Variants in VAV3 observed in about 807,000 individuals in gnomAD.
The protein encoded by VAV3 is guanine nucleotide exchange factor VAV3.
Under a neutral mutation model 131.2 loss-of-function variants are expected in VAV3, and 94 were observed. The ratio of observed to expected loss-of-function variants is 0.72; its 90% CI spans 0.61 to 0.85. The LOEUF (loss-of-function observed/expected upper bound fraction) is 0.85, where lower values mean the gene tolerates loss of function less well. Among genes scored for constraint, VAV3 ranks in the 40% least tolerant of loss-of-function variants. The pLI is 0.00. For synonymous variants in VAV3, 349 were observed against 342.0 expected (o/e 1.02, Z -0.22); for missense variants, 939 against 1,002.7 (o/e 0.94, Z 0.86).
At chr1:107,755,606 T>G (rs1023045640) in intron 11 of VAV3, 93 bp from the exon 12 acceptor site, 1 of 864,486 alleles carries the variant, frequency 1.2e-6, no homozygotes, top group Admixed American at 2.4e-5. Context: ...ATTCCATTAG[T>G]GGTAAAAGTA....
intron 18 of VAV3, chr1:107,685,835 A>T (rs188431106): frequency 1.3e-5 from 2 of 151,550 alleles, no homozygotes; most frequent in African/African-American, 4.9e-5. Flanking sequence ...CCCCTCCCCA[A>T]TCTATATTCT....
chr1:107,888,728 G>C (rs773543159), intron 1 of VAV3, among the ~76,000 whole-genome samples: 3 of 152,014 alleles, frequency 2.0e-5, no homozygotes, highest in Non-Finnish European at 4.4e-5. Context: ...CAAAGTGCTG[G>C]GATTACAGAT....
intron 20 of VAV3, among the ~76,000 whole-genome samples, chr1:107,638,167 C>A (rs764821395): frequency 1.3e-5 from 2 of 152,174 alleles, no homozygotes; most frequent in Non-Finnish European, 2.9e-5. Context: ...GATATACTCT[C>A]TCATGACTTC....
chr1:107,729,035 T>C (rs1662053075), intron 15 of VAV3, among the ~76,000 whole-genome samples: 2 of 152,176 alleles, frequency 1.3e-5, no homozygotes, highest in African/African-American at 4.8e-5. Context: ...TCATGATAAT[T>C]GGAAAACTCT....
intron 4 of VAV3, among the ~76,000 whole-genome samples, chr1:107,776,054 A>C (rs1053891506): frequency 5.9e-5 from 9 of 152,222 alleles, no homozygotes; most frequent in Admixed American, 5.9e-4. Context: ...TCACTTTTAA[A>C]CTGTGAAGAT....
chr1:107,952,260 G>A (rs1014448871), intron 1 of VAV3, among the ~76,000 whole-genome samples: 1 of 151,756 alleles, frequency 6.6e-6, no homozygotes, highest in African/African-American at 2.4e-5. Flanking sequence ...GCTAAATGAT[G>A]AGATCACATG....
chr1:107,823,722 G>C (rs761883716), intron 2 of VAV3, among the ~76,000 whole-genome samples: 1 of 152,132 alleles, frequency 6.6e-6, no homozygotes, highest in Non-Finnish European at 1.5e-5. Flanking sequence ...GGCTTTCTAA[G>C]AAAGTAATGA....
rs77149713 is a variant in VAV3 at position 107,902,633 on chromosome 1, T to G, written c.205-27616A>C. On this transcript the variant is annotated intron_variant, in intron 1 of 26. Coordinates refer to ENST00000370056, the MANE Select transcript of VAV3 (RefSeq NM_006113.5). The stretch of plus-strand genomic sequence containing the variant: ...TTCTTTTACGTATTTTAGAATAACC[T>G]GAGGTCCTACATGTTTAAACCTTTA... Among the ~76,000 whole-genome samples, 211 of 152,316 alleles carry G rather than the reference T, an allele frequency of 1.4e-3. 2 individuals carry two copies. The East Asian group carries it at 0.038, about 27-fold the overall frequency.
At chr1:107,695,095 C>T (rs1314702626) in intron 17 of VAV3, among the ~76,000 whole-genome samples, 2 of 151,946 alleles carry the variant, frequency 1.3e-5, no homozygotes, top group Non-Finnish European at 2.9e-5. Context: ...TGTAGATACA[C>T]AGACATAAAA....
Position 107,779,948 on chromosome 1 carries a change from C to CCA in VAV3, c.322-458_322-457dup, listed in dbSNP as rs1178938241. On this transcript the variant is annotated intron_variant, in intron 2 of 26. Transcript: ENST00000370056. The stretch of plus-strand genomic sequence containing the variant: ...TAGCCACATTTTAAGTGTTCAGTAG[C>CCA]CACACACATGTGGCCACTGTAATGA... Among the ~76,000 whole-genome samples the CCA allele has an allele frequency of 2.7e-4, 41 of 152,142 alleles. 1 individual carries two copies. The highest frequency in any genetic ancestry group is 2.7e-3 in the Admixed American group (41 of 15,272).
At chr1:107,675,172 G>A (rs555028988) in intron 19 of VAV3, among the ~76,000 whole-genome samples, 8 of 152,110 alleles carry the variant, frequency 5.3e-5, no homozygotes, top group South Asian at 2.1e-4. Context: ...CATGTGTGTC[G>A]TTTTAAGCTG....
In VAV3 at chr1:107,957,433, T is replaced by C. The variant is rs1327176418; in HGVS notation, c.204+7233A>G. ...AACTTTCTACAATGATCAGGCTTCATACCTATGGAGCCACTGTAATTATAG... is the reference window on the plus strand; with the variant it reads ...AACTTTCTACAATGATCAGGCTTCACACCTATGGAGCCACTGTAATTATAG... On this transcript the variant is annotated intron_variant, in intron 1 of 26. Coordinates refer to ENST00000370056, the MANE Select transcript of VAV3 (RefSeq NM_006113.5). 2.0e-5 allele frequency among the ~76,000 whole-genome samples: 3 copies of C among 152,170 alleles called. No individual in the cohort carries two copies. The East Asian group carries it at 5.8e-4, about 29-fold the overall frequency.
intron 21 of VAV3, among the ~76,000 whole-genome samples, chr1:107,616,929 T>C (rs1442699867): frequency 6.6e-6 from 1 of 152,152 alleles, no homozygotes; most frequent in Non-Finnish European, 1.5e-5. Flanking sequence ...TAATACCATA[T>C]TATGATACTA....
At position 107,813,967 on chromosome 1, in the gene VAV3, AGTGTGTGTGTGTGTGT is replaced by A. The variant is rs58318688; in HGVS notation, c.322-34491_322-34476del. On this transcript the variant is annotated intron_variant, in intron 2 of 26. Transcript: ENST00000370056. ...CTTTTGTATGGCTAAATAGTACTCC[AGTGTGTGTGTGTGTGT>A]GTGTGTGTGTGTGTGTGTGTGTGTG... Among the ~76,000 whole-genome samples, 80 of 135,858 alleles carry A rather than the reference AGTGTGTGTGTGTGTGT, an allele frequency of 5.9e-4. 1 individual carries two copies. In the East Asian group the frequency reaches 7.8e-3, roughly 13 times the overall value. The allele number at this position is 135,858 out of a possible 152,430, so 89.1% of individuals were successfully genotyped here. A position where few individuals can be genotyped will look rare whatever the true frequency, so the allele number is the denominator to read the frequency against.
rs780567886 is a variant in VAV3, at chr1:107,765,190, A to AG, written c.822-16dup. On this transcript the variant is annotated splice_polypyrimidine_tract_variant and intron_variant, in intron 8 of 26. Coordinates refer to ENST00000370056, the MANE Select transcript of VAV3 (RefSeq NM_006113.5). ...AAATAACCAATCTGAAAGGGAAAAA[A>AG]GACAAGAAATCTCTAAGACAAAAAC... 6.3e-7 allele frequency: 1 copy of AG among 1,597,040 alleles called. No homozygotes were observed. Among genetic ancestry groups the AG allele is most frequent in the South Asian group, 1.1e-5 (1 of 90,404 alleles).
chr1:107,889,297 A>G (rs894784835), intron 1 of VAV3, among the ~76,000 whole-genome samples: 1 of 152,180 alleles, frequency 6.6e-6, no homozygotes, highest in African/African-American at 2.4e-5. Flanking sequence ...AATAGTAAAC[A>G]TCTGAGAGGA....
intron 20 of VAV3, among the ~76,000 whole-genome samples, chr1:107,630,342 G>GA (rs1426110515): frequency 1.3e-5 from 2 of 148,226 alleles, no homozygotes; most frequent in Non-Finnish European, 3.0e-5. Context: ...TGGAAGAATG[G>GA]ATGGGAGGAT....
At chr1:107,711,672 C>G (rs867794136) in intron 15 of VAV3, among the ~76,000 whole-genome samples, 1 of 152,088 alleles carries the variant, frequency 6.6e-6, no homozygotes, top group Non-Finnish European at 1.5e-5. Context: ...TTTAAATTAA[C>G]TGAGAGAAAT....
At chr1:107,603,201 A>G (rs1223605918) in intron 22 of VAV3, 38 bp from the exon 23 acceptor site, 1 of 1,508,124 alleles carries the variant, frequency 6.6e-7, no homozygotes, top group Non-Finnish European at 9.2e-7. Context: ...TGGATAATAT[A>G]CCTGGAAGAG....
Sources: allele counts gnomAD v4.1 joint callset (sites outside exome capture counted in the v4.1 genomes callset), GRCh38; gene constraint gnomAD v4.1.1; transcripts MANE v1.5; gene names NCBI Gene and HGNC (gene_info 2026-07-23, HGNC 2026-07-21).